The following ENOSF1 variants were observed in gnomAD, a reference collection of about 807,000 sequenced individuals.
ENOSF1 encodes mitochondrial enolase superfamily member 1.
In ENOSF1, 73 loss-of-function variants were observed where a neutral mutation model predicts 68.2. The observed-to-expected ratio is 1.07, with a 90% CI of 0.89 to 1.30. The LOEUF (loss-of-function observed/expected upper bound fraction) is 1.30. Ranked by LOEUF, ENOSF1 falls within the 50% of genes most tolerant of loss-of-function variation. The pLI is 0.00. For missense variants in ENOSF1, 589 were observed against 554.5 expected (o/e 1.06, Z -0.62); for synonymous variants, 223 against 210.4 (o/e 1.06, Z -0.52).
intron 11 of ENOSF1, among the ~76,000 whole-genome samples, chr18:680,318 T>C (rs2075948597): frequency 6.6e-6 from 1 of 152,234 alleles, no homozygotes; most frequent in Non-Finnish European, 1.5e-5. Flanking sequence ...TTTATGCTTC[T>C]TAAAATTTCT....
In ENOSF1 at chr18:674,213, T is replaced by C. The variant is rs2075235065; in HGVS notation, c.*92A>G. 6 of 855,164 alleles carry C rather than the reference T, an allele frequency of 7.0e-6. No individual in the cohort carries two copies. Among genetic ancestry groups the C allele is most frequent in the Non-Finnish European group, 1.1e-5 (6 of 532,812 alleles). The allele number at this position is 855,164 out of a possible 1,614,324, so 53.0% of individuals were successfully genotyped here. ...TTCTAGCTGAACTCATCTTGATCGG[T>C]AGGATTTTTTAAATCCATTTTTGTA... On this transcript the variant is annotated 3_prime_UTR_variant, in exon 16 of 16. Coordinates refer to ENST00000647584, the MANE Select transcript of ENOSF1 (RefSeq NM_017512.7).
At position 690,601 on chromosome 18, in the gene ENOSF1, G is replaced by C. The variant is rs569757909; in HGVS notation, c.566C>G (p.Ala189Gly). ...EKQMLAQGYPAYTTSCAWLGY... is the reference protein window; with the variant it reads ...EKQMLAQGYPGYTTSCAWLGY... ...CAGCCAGGCGCACGATGTCGTGTAA[G>C]CAGGGTATCCTTGTGCCAGCATTTG... Residue 189 changes from alanine to glycine, a missense_variant, in exon 8 of 16, where the codon GCT (alanine) becomes GGT (glycine). By Grantham distance (60) the Ala-to-Gly change is moderately conservative. Coordinates refer to ENST00000647584, the MANE Select transcript of ENOSF1 (RefSeq NM_017512.7). 2 of 1,614,108 alleles carry C rather than the reference G, an allele frequency of 1.2e-6. No homozygotes were observed. Among genetic ancestry groups the C allele is most frequent in the Admixed American group, 1.7e-5 (1 of 60,014 alleles).
chr18:697,012 G>T (rs1209091724), intron 3 of ENOSF1, among the ~76,000 whole-genome samples: 1 of 152,124 alleles, frequency 6.6e-6, no homozygotes, highest in Non-Finnish European at 1.5e-5. Flanking sequence ...AGCTACTCAG[G>T]AGGCTGAAGC....
intron 2 of ENOSF1, among the ~76,000 whole-genome samples, chr18:704,322 G>A (rs997156997): frequency 6.6e-6 from 1 of 151,390 alleles, no homozygotes; most frequent in Non-Finnish European, 1.5e-5. Context: ...CCAGCTACTC[G>A]GGAGGCTGAG....
intron 1 of ENOSF1, chr18:712,279 T>A: frequency 6.5e-7 from 1 of 1,530,504 alleles, no homozygotes; most frequent in South Asian, 1.2e-5. Context: ...AAGCAATGGG[T>A]TCGAAGTCGG....
chr18:685,401 G>A (rs1203920726), intron 10 of ENOSF1, among the ~76,000 whole-genome samples: 1 of 150,994 alleles, frequency 6.6e-6, no homozygotes, highest in South Asian at 2.1e-4. Context: ...GTGATCCTGG[G>A]TCAAGAACTC....
chr18:707,890 C>A (rs953818052), intron 1 of ENOSF1, among the ~76,000 whole-genome samples: 1 of 151,978 alleles, frequency 6.6e-6, no homozygotes, highest in Non-Finnish European at 1.5e-5. Flanking sequence ...GACTGACTCT[C>A]ACTCTGTTCT....
At chr18:700,465 C>A (rs2078215658) in intron 2 of ENOSF1, among the ~76,000 whole-genome samples, 1 of 152,220 alleles carries the variant, frequency 6.6e-6, no homozygotes, top group Non-Finnish European at 1.5e-5. Flanking sequence ...ATGCACTTAA[C>A]AAAAGCTAAG....
At chr18:663,447 T>G in the ENOSF1 span, among the ~76,000 whole-genome samples, 7,581 of 62,786 alleles carry the variant, frequency 0.12, 859 homozygotes, top group Middle Eastern at 0.29. Context: ...TTGCAAAAAT[T>G]TTCTCCCATT....
chr18:683,656 G>A (rs549195604), intron 10 of ENOSF1, among the ~76,000 whole-genome samples: 1 of 152,138 alleles, frequency 6.6e-6, no homozygotes, highest in Non-Finnish European at 1.5e-5. Context: ...TGGGCCATGA[G>A]AAGTGCTCGC....
At chr18:688,935 T>C (rs2076890216) in intron 8 of ENOSF1, among the ~76,000 whole-genome samples, 1 of 152,146 alleles carries the variant, frequency 6.6e-6, no homozygotes, top group Non-Finnish European at 1.5e-5. Flanking sequence ...AAGAGTAACA[T>C]GCAGAAGCCA....
In ENOSF1 at chr18:670,991, A is replaced by C. The variant is rs1449009399; in HGVS notation, c.*3314T>G. On this transcript the variant is annotated 3_prime_UTR_variant, in exon 16 of 16. Transcript: ENST00000647584. ...GCTTTTAAATTTGATATGTGTAAGT[A>C]AGAAATGAACCAGCTTTTACTTTGA... 1.9e-5 allele frequency: 23 copies of C among 1,233,414 alleles called. No homozygotes were observed. The highest frequency in any genetic ancestry group is 6.1e-5 in the South Asian group (4 of 65,346). 76.4% of individuals were successfully genotyped at this position (1,233,414 alleles called of 1,614,324 possible). A position where few individuals can be genotyped will look rare whatever the true frequency, so the allele number is the denominator to read the frequency against.
chr18:675,296 C>G lies in ENOSF1; in HGVS notation c.1230+25G>C, dbSNP rs772419745. On this transcript the variant is annotated intron_variant, in intron 15 of 15. Transcript: ENST00000647584. Reference sequence around the variant, plus strand: ...GCAGTGGCTGGCAGCATCTCTTCTACAGGGGCCCTCAGGCCACAGCTTACC... The same window carrying G: ...GCAGTGGCTGGCAGCATCTCTTCTAGAGGGGCCCTCAGGCCACAGCTTACC... 5.7e-6 allele frequency: 9 copies of G among 1,589,970 alleles called. No individual in the cohort carries two copies. The South Asian group carries it at 1.0e-4, about 18-fold the overall frequency.
At chr18:696,445 T>C (rs1384430884) in intron 3 of ENOSF1, among the ~76,000 whole-genome samples, 2 of 151,996 alleles carry the variant, frequency 1.3e-5, no homozygotes, top group Non-Finnish European at 2.9e-5. Flanking sequence ...CCTCCTGACC[T>C]CGTGATCTGC....
At chr18:682,166 T>C (rs956262034) in intron 11 of ENOSF1, among the ~76,000 whole-genome samples, 4 of 152,094 alleles carry the variant, frequency 2.6e-5, no homozygotes, top group Non-Finnish European at 2.9e-5. Context: ...AATGACAAGG[T>C]TACCCTCTGA....
At chr18:692,580 A>T in intron 5 of ENOSF1, 2 of 498,744 alleles carry the variant, frequency 4.0e-6, no homozygotes, top group Non-Finnish European at 5.2e-6. Flanking sequence ...CTGGGCAACA[A>T]GAAGAAAACT....
At chr18:709,140 C>A (rs72853858) in intron 1 of ENOSF1, among the ~76,000 whole-genome samples, 3,374 of 152,242 alleles carry the variant, frequency 0.022, 54 homozygotes, top group Middle Eastern at 0.061. Context: ...AAAAACCAAA[C>A]AGGAAGTATC....
At chr18:666,960 TGGAGATGGTGATGGAGATGGA>T (rs1567989630), downstream of ENOSF1, among the ~76,000 whole-genome samples, 26 of 22,628 alleles carry the variant, frequency 1.1e-3, 2 homozygotes, top group South Asian at 8.6e-3. Context: ...GTGATGGAGA[TGGAGATGGTGATGGAGATGGA>T]GATGGTGATG....
At chr18:700,916 A>ACG (rs2078278591) in intron 2 of ENOSF1, among the ~76,000 whole-genome samples, 3 of 138,210 alleles carry the variant, frequency 2.2e-5, no homozygotes, top group Admixed American at 7.8e-5. Context: ...AAAAAAAAAC[A>ACG]AGAGAAATTT....
Sources: allele counts gnomAD v4.1 joint callset (sites outside exome capture counted in the v4.1 genomes callset), GRCh38; gene constraint gnomAD v4.1.1; transcripts MANE v1.5; gene names NCBI Gene and HGNC (gene_info 2026-07-23, HGNC 2026-07-21).